The following RBFOX1 variants were observed in gnomAD, a reference collection of about 807,000 sequenced individuals.
RBFOX1 encodes the protein RNA binding protein fox-1 homolog 1.
In RBFOX1, 8 loss-of-function variants were observed where a neutral mutation model predicts 57.7. The observed-to-expected ratio is 0.14, with a 90% CI of 0.08 to 0.25. The LOEUF (loss-of-function observed/expected upper bound fraction) is 0.25, where lower values mean the gene tolerates loss of function less well. RBFOX1 is among the 10% of genes least tolerant of loss of function. The pLI is 1.00. For synonymous variants in RBFOX1, 326 were observed against 222.4 expected (o/e 1.47, Z -4.15); for missense variants, 611 against 548.5 (o/e 1.11, Z -1.14).
intron 13 of RBFOX1, among the ~76,000 whole-genome samples, chr16:7,668,368 C>A (rs927235859): frequency 6.6e-6 from 1 of 152,128 alleles, no homozygotes; most frequent in Admixed American, 6.5e-5. Flanking sequence ...CAGAGAGGGA[C>A]AGATGATCAC....
At chr16:6,803,424 G>C (rs1247578623) in intron 3 of RBFOX1, among the ~76,000 whole-genome samples, 1 of 152,214 alleles carries the variant, frequency 6.6e-6, no homozygotes, top group Non-Finnish European at 1.5e-5. Flanking sequence ...GAAAGTGAGA[G>C]TGGCGTTCTG....
chr16:7,327,557 T>G (rs899361911), intron 4 of RBFOX1, among the ~76,000 whole-genome samples: 1 of 152,204 alleles, frequency 6.6e-6, no homozygotes, highest in African/African-American at 2.4e-5. Context: ...ACACTCTGTT[T>G]TATGCATTTT....
intron 13 of RBFOX1, among the ~76,000 whole-genome samples, chr16:7,673,944 T>G (rs1439835991): frequency 6.6e-6 from 1 of 152,160 alleles, no homozygotes; most frequent in African/African-American, 2.4e-5. Context: ...TGAAAGTGAG[T>G]GTTCCTTTTA....
intron 4 of RBFOX1, among the ~76,000 whole-genome samples, chr16:7,266,005 T>G (rs1439522326): frequency 7.0e-6 from 1 of 142,696 alleles, no homozygotes; most frequent in Non-Finnish European, 1.5e-5. Flanking sequence ...GAGGGAGTCT[T>G]GCTGTGTTGC....
At chr16:6,710,437 T>C (rs1268505906) in intron 3 of RBFOX1, among the ~76,000 whole-genome samples, 1 of 152,268 alleles carries the variant, frequency 6.6e-6, no homozygotes, top group Non-Finnish European at 1.5e-5. Flanking sequence ...ATTCTTTTTT[T>C]CATCCTAATT....
chr16:6,345,799 G>A (rs1261881349), intron 2 of RBFOX1, among the ~76,000 whole-genome samples: 1 of 152,144 alleles, frequency 6.6e-6, no homozygotes, highest in Admixed American at 6.5e-5. Context: ...CCTGTGACAC[G>A]GCCTCAGGAG....
chr16:6,810,181 T>C (rs570830207), intron 3 of RBFOX1, among the ~76,000 whole-genome samples: 55 of 152,342 alleles, frequency 3.6e-4, no homozygotes, highest in African/African-American at 6.7e-4. Context: ...CATTGTCTTA[T>C]GTGTGCAACT....
chr16:6,095,728 G>A (rs982872021), intron 1 of RBFOX1, among the ~76,000 whole-genome samples: 4 of 152,110 alleles, frequency 2.6e-5, no homozygotes, highest in Non-Finnish European at 4.4e-5. Context: ...AAAAAGACAT[G>A]GAGTTGAGAC....
Position 5,566,320 on chromosome 16 carries a change from C to G in RBFOX1, c.259-32582C>G, listed in dbSNP as rs567445294. Among the ~76,000 whole-genome samples, 4 of 152,080 alleles carry G rather than the reference C, an allele frequency of 2.6e-5. No individual in the cohort carries two copies. In the South Asian group the frequency reaches 8.3e-4, roughly 32 times the overall value. On this transcript the variant is annotated intron_variant, in intron 2 of 2. Coordinates refer to the RBFOX1 transcript ENST00000585867. Reference sequence around the variant, plus strand: ...CAGCACTGTAACGGCATTCCACTGTCGGAAGATAGACCGTTGATGTATAAT... The same window carrying G: ...CAGCACTGTAACGGCATTCCACTGTGGGAAGATAGACCGTTGATGTATAAT...
chr16:6,400,061 C>G (rs1001129538), intron 2 of RBFOX1, among the ~76,000 whole-genome samples: 1 of 152,158 alleles, frequency 6.6e-6, no homozygotes, highest in Admixed American at 6.5e-5. Flanking sequence ...GGTGGGGACA[C>G]AGCCAAATCA....
At chr16:6,360,358 T>C (rs1397821668) in intron 2 of RBFOX1, among the ~76,000 whole-genome samples, 1 of 152,178 alleles carries the variant, frequency 6.6e-6, no homozygotes, top group Non-Finnish European at 1.5e-5. Context: ...AATACTATTA[T>C]ACTTGCACTG....
intron 4 of RBFOX1, among the ~76,000 whole-genome samples, chr16:7,376,805 C>T (rs1253461560): frequency 1.3e-5 from 2 of 152,238 alleles, no homozygotes; most frequent in Non-Finnish European, 2.9e-5. Context: ...ATGTCCCTTG[C>T]AGTAGAGATG....
intron 2 of RBFOX1, among the ~76,000 whole-genome samples, chr16:6,465,629 TGTGTG>T: frequency 6.6e-6 from 1 of 150,852 alleles, no homozygotes; most frequent in Non-Finnish European, 1.5e-5. Flanking sequence ...TGTGTGTGTG[TGTGTG>T]TGTATTTATG....
chr16:6,266,851 G>T (rs574643376), intron 1 of RBFOX1, among the ~76,000 whole-genome samples: 1 of 151,944 alleles, frequency 6.6e-6, no homozygotes, highest in Non-Finnish European at 1.5e-5. Context: ...TAGTTTTTTT[G>T]TCTGTCTTCT....
At chr16:6,005,432 C>T (rs2060676398) in intron 4 of RBFOX1, among the ~76,000 whole-genome samples, 1 of 152,214 alleles carries the variant, frequency 6.6e-6, no homozygotes, top group Admixed American at 6.5e-5. Flanking sequence ...AACAGTGTCC[C>T]TGCCCCCAAG....
intron 4 of RBFOX1, among the ~76,000 whole-genome samples, chr16:7,430,298 C>A (rs573035005): frequency 6.6e-6 from 1 of 152,082 alleles, no homozygotes; most frequent in African/African-American, 2.4e-5. Context: ...TATGCAATTC[C>A]CAAAAGCAAA....
At chr16:5,885,694 A>G (rs541066480) in intron 4 of RBFOX1, among the ~76,000 whole-genome samples, 2 of 152,324 alleles carry the variant, frequency 1.3e-5, no homozygotes, top group African/African-American at 4.8e-5. Flanking sequence ...GGACGCCAAA[A>G]TAAAGAAATA....
chr16:5,720,321 A>C (rs7205988), intron 3 of RBFOX1, among the ~76,000 whole-genome samples: 17,785 of 152,160 alleles, frequency 0.12, 3,494 homozygotes, highest in African/African-American at 0.4. Flanking sequence ...TGTGGATCCT[A>C]GTCCTTGATG....
chr16:7,286,445 C>CTTTTTTTTTT (rs1555669859), intron 4 of RBFOX1, among the ~76,000 whole-genome samples: 1 of 143,692 alleles, frequency 7.0e-6, no homozygotes, highest in African/African-American at 2.6e-5. Flanking sequence ...TTGATACTTT[C>CTTTTTTTTTT]TTATTTTTTT....
Sources: gnomAD v4.1 joint callset for allele counts (sites outside exome capture counted in the v4.1 genomes callset) on GRCh38, gnomAD v4.1.1 for gene constraint, MANE v1.5 for transcripts, NCBI Gene and HGNC (gene_info 2026-07-23, HGNC 2026-07-21) for gene names.